DDX10: variants seen among roughly 807,000 people sequenced by gnomAD.
The protein encoded by DDX10 is DEAD-box helicase 10, also known as probable ATP-dependent RNA helicase DDX10.
In DDX10, 74 loss-of-function variants were observed where a neutral mutation model predicts 104.3. That is an observed-to-expected ratio of 0.71 (90% CI 0.59 to 0.86). The LOEUF (loss-of-function observed/expected upper bound fraction) is 0.86, where lower values mean the gene tolerates loss of function less well. Ranked by LOEUF, DDX10 falls within the 40% of genes least tolerant of loss-of-function variation. DDX10 has a pLI of 0.00. For synonymous variants in DDX10, 351 were observed against 353.4 expected, an observed-to-expected ratio of 0.99 and a Z score of 0.08; for missense variants, 952 against 1,040.0, an observed-to-expected ratio of 0.92 and a Z score of 1.16.
chr11:108,767,009 G>A (rs189091290), intron 13 of DDX10, among the ~76,000 whole-genome samples: 14 of 152,194 alleles, frequency 9.2e-5, no homozygotes, highest in African/African-American at 3.4e-4. Context: ...GTGGTTGTTG[G>A]GGCAAGGGAC....
At chr11:108,725,276 T>C (rs762245724) in intron 13 of DDX10, among the ~76,000 whole-genome samples, 7 of 152,268 alleles carry the variant, frequency 4.6e-5, no homozygotes, top group Admixed American at 6.5e-5. Context: ...TATAAACATA[T>C]ACATTTTTAT....
intron 16 of DDX10, among the ~76,000 whole-genome samples, chr11:108,892,993 C>T (rs923565948): frequency 6.6e-6 from 1 of 152,104 alleles, no homozygotes; most frequent in African/African-American, 2.4e-5. Context: ...TGTTTAGAAT[C>T]TTATATGTGA....
At chr11:108,719,934 G>GAATT (rs769542840) in intron 12 of DDX10, 49 bp downstream of exon 12, 2 of 1,132,740 alleles carry the variant, frequency 1.8e-6, no homozygotes, top group African/African-American at 1.5e-5. Context: ...AGGTTAGAGG[G>GAATT]AATTAATTAA....
chr11:108,843,738 A>G (rs1418727993), intron 15 of DDX10, among the ~76,000 whole-genome samples: 2 of 150,394 alleles, frequency 1.3e-5, no homozygotes, highest in Non-Finnish European at 3.0e-5. Context: ...CCTGGGCAAC[A>G]GGAGTGAGAC....
intron 6 of DDX10, among the ~76,000 whole-genome samples, chr11:108,685,505 G>A (rs963712157): frequency 1.2e-4 from 18 of 152,028 alleles, no homozygotes; most frequent in Non-Finnish European, 2.2e-4. Context: ...CGTTGCTCAC[G>A]CTGGGAGCTG....
chr11:108,859,122 G>A (rs540521658), intron 16 of DDX10, among the ~76,000 whole-genome samples: 1 of 152,238 alleles, frequency 6.6e-6, no homozygotes, highest in Admixed American at 6.5e-5. Flanking sequence ...GATCCAGGTC[G>A]GATTGCACTC....
At chr11:108,935,157 T>A (rs1379532021) in intron 17 of DDX10, among the ~76,000 whole-genome samples, 1 of 152,176 alleles carries the variant, frequency 6.6e-6, no homozygotes, top group East Asian at 1.9e-4. Flanking sequence ...AGAAGAAATC[T>A]TCCACCTCAA....
intron 15 of DDX10, among the ~76,000 whole-genome samples, chr11:108,842,509 A>G (rs1862652534): frequency 6.6e-6 from 1 of 152,164 alleles, no homozygotes; most frequent in Non-Finnish European, 1.5e-5. Flanking sequence ...AGCAATTCTC[A>G]TTTCTTTATT....
At chr11:108,806,253 G>A (rs766957422) in intron 13 of DDX10, among the ~76,000 whole-genome samples, 49 of 152,284 alleles carry the variant, frequency 3.2e-4, no homozygotes, top group Non-Finnish European at 6.0e-4. Context: ...GTGAGCCACC[G>A]TGCCTGGCCT....
intron 10 of DDX10, among the ~76,000 whole-genome samples, chr11:108,714,818 T>TG (rs1279056295): frequency 6.6e-6 from 1 of 152,110 alleles, no homozygotes; most frequent in Non-Finnish European, 1.5e-5. Context: ...TGGTTAGATT[T>TG]GGGGAGGAGA....
intron 13 of DDX10, among the ~76,000 whole-genome samples, chr11:108,757,147 T>C (rs1435867282): frequency 6.6e-6 from 1 of 151,956 alleles, no homozygotes; most frequent in Non-Finnish European, 1.5e-5. Flanking sequence ...CACAAATAAT[T>C]CCTCAAACCA....
At chr11:108,763,814 A>T (rs2094353477) in intron 13 of DDX10, among the ~76,000 whole-genome samples, 1 of 152,204 alleles carries the variant, frequency 6.6e-6, no homozygotes, top group African/African-American at 2.4e-5. Flanking sequence ...ACTAATAAAC[A>T]TTCTGTATCT....
intron 13 of DDX10, among the ~76,000 whole-genome samples, chr11:108,753,080 A>G (rs2094340571): frequency 9.1e-6 from 1 of 109,332 alleles, no homozygotes; most frequent in East Asian, 3.6e-4. Context: ...ACCAGTGACT[A>G]TTAGGAGTCT....
At chr11:108,708,197 T>C (rs2094279104) in intron 10 of DDX10, among the ~76,000 whole-genome samples, 1 of 146,202 alleles carries the variant, frequency 6.8e-6, no homozygotes, top group Non-Finnish European at 1.5e-5. Flanking sequence ...CCTCTATTCC[T>C]AGTTTACTGA....
intron 11 of DDX10, among the ~76,000 whole-genome samples, chr11:108,717,353 A>C (rs1056821031): frequency 6.6e-6 from 1 of 152,216 alleles, no homozygotes; most frequent in Non-Finnish European, 1.5e-5. Context: ...TTTATTATCC[A>C]GGCTGGAGTG....
chr11:108,934,963 A>G (rs2134678200), intron 17 of DDX10, among the ~76,000 whole-genome samples: 1 of 152,186 alleles, frequency 6.6e-6, no homozygotes, highest in Non-Finnish European at 1.5e-5. Flanking sequence ...TCGCAGCAAA[A>G]TCCATTGAAA....
At chr11:108,748,958 C>T (rs955544079) in intron 13 of DDX10, among the ~76,000 whole-genome samples, 1 of 152,032 alleles carries the variant, frequency 6.6e-6, no homozygotes, top group African/African-American at 2.4e-5. Flanking sequence ...GCCACCACGC[C>T]TGGCCTAAAC....
At chr11:108,878,447 A>G (rs1863181593) in intron 16 of DDX10, among the ~76,000 whole-genome samples, 1 of 152,114 alleles carries the variant, frequency 6.6e-6, no homozygotes, top group Admixed American at 6.5e-5. Context: ...AGCTACTGTT[A>G]TTTCCACTGA....
chr11:108,706,213 T>C (rs1947927), intron 9 of DDX10, among the ~76,000 whole-genome samples: 18,638 of 152,038 alleles, frequency 0.12, 1,536 homozygotes, highest in East Asian at 0.27. Flanking sequence ...CTCGGGTTAT[T>C]CACCCGCCTC....
Sources: gnomAD v4.1 joint callset for allele counts (sites outside exome capture counted in the v4.1 genomes callset) on GRCh38, gnomAD v4.1.1 for gene constraint, MANE v1.5 for transcripts, NCBI Gene and HGNC (gene_info 2026-07-23, HGNC 2026-07-21) for gene names.